The following GRIA4 variants were observed in gnomAD, a reference collection of about 807,000 sequenced individuals.
The protein encoded by GRIA4 is glutamate receptor 4.
GRIA4 carries 34 observed loss-of-function variants against 104.0 expected under a neutral mutation model. That is an observed-to-expected ratio of 0.33 (90% CI 0.25 to 0.44). The LOEUF (loss-of-function observed/expected upper bound fraction) is 0.44. GRIA4 is among the 20% of genes least tolerant of loss of function. The probability of loss-of-function intolerance (pLI) is 1.00; values close to 1 mark genes in which losing one functional copy is unlikely to be tolerated. For synonymous variants in GRIA4, 386 were observed against 381.9 expected (o/e 1.01, Z -0.13); for missense variants, 750 against 1,096.5 (o/e 0.68, Z 4.46).
chr11:105,750,107 A>C (rs949214338), intron 3 of GRIA4, among the ~76,000 whole-genome samples: 3 of 152,186 alleles, frequency 2.0e-5, no homozygotes, highest in African/African-American at 7.2e-5. Flanking sequence ...AATAGATGTC[A>C]TAAGATTCAG....
Position 105,943,622 on chromosome 11 carries a change from G to A in GRIA4, c.2294+9653G>A, listed in dbSNP as rs186363664. Among the ~76,000 whole-genome samples, 382 of 151,866 alleles carry A rather than the reference G, an allele frequency of 2.5e-3. 5 individuals are homozygous for A. In the Middle Eastern group the frequency reaches 0.071, roughly 28 times the overall value. Reference sequence around the variant, plus strand: ...TCATCACAAATAGCATTCACTTTACGCCCTGAAGCATGAAGACTTCACAGC... The same window carrying A: ...TCATCACAAATAGCATTCACTTTACACCCTGAAGCATGAAGACTTCACAGC... On this transcript the variant is annotated intron_variant, in intron 14 of 16. Coordinates refer to ENST00000282499, the MANE Select transcript of GRIA4 (RefSeq NM_000829.4).
intron 16 of GRIA4, 32 bp from the exon 17 acceptor site, chr11:105,979,543 C>T (rs1277602634): frequency 4.4e-6 from 7 of 1,602,252 alleles, no homozygotes; most frequent in African/African-American, 4.0e-5. Context: ...TAACACTCCG[C>T]GTTCTTTCTG....
In GRIA4 at chr11:105,903,818, C is replaced by T. The variant is rs1479176702; in HGVS notation, c.890C>T (p.Thr297Ile). ...TGTTCATTTTCATTTGGTTAGTACA[C>T]CTCTGCTCTGACTTATGATGGAGTC... ...YPGSETPPKY[T>I]SALTYDGVLV... is the part of the protein sequence containing the mutation. The change falls in exon 8 of 17, where the codon ACC becomes ATC. Residue 297 changes from threonine to isoleucine, a missense_variant. Transcript: ENST00000282499. The T allele has an allele frequency of 6.2e-7, 1 of 1,604,636 alleles. No individual in the cohort carries two copies. The highest frequency in any genetic ancestry group is 1.7e-5 in the Admixed American group (1 of 59,998).
Position 105,979,942 on chromosome 11 carries a change from T to A in GRIA4, c.*203T>A. On this transcript the variant is annotated 3_prime_UTR_variant, in exon 17 of 17. Coordinates refer to ENST00000282499, the MANE Select transcript of GRIA4 (RefSeq NM_000829.4). ...CGGAAACCCAAACTCAGATTTTATA[T>A]CAGGAAAACTCACAATTGAGGTTTT... 1 of 452,794 alleles carries A rather than the reference T, an allele frequency of 2.2e-6. No individual in the cohort carries two copies. The highest frequency in any genetic ancestry group is 4.0e-6 in the Non-Finnish European group (1 of 249,952). The allele number at this position is 452,794 out of a possible 1,614,324, so 28.0% of individuals were successfully genotyped here.
rs1950506559 is a variant in GRIA4, at chr11:105,612,514, T to A, written c.247+80T>A. The A allele has an allele frequency of 5.2e-6, 6 of 1,148,462 alleles. No homozygotes were observed. The East Asian group carries it at 1.4e-4, about 28-fold the overall frequency. 71.1% of individuals were successfully genotyped at this position (1,148,462 alleles called of 1,614,324 possible). ...AGTCCTCTTCCTCTTTGTTATTTAA[T>A]TTTTTTAGAAAGAATTTCAAGATTC... is the stretch of plus-strand genomic sequence containing the variant. On this transcript the variant is annotated intron_variant, in intron 3 of 16. Transcript: ENST00000282499.
At chr11:105,662,631 T>A (rs537656891) in intron 3 of GRIA4, among the ~76,000 whole-genome samples, 37 of 152,088 alleles carry the variant, frequency 2.4e-4, no homozygotes, top group African/African-American at 8.9e-4. Flanking sequence ...TTTTACTTCT[T>A]TACTCATTCT....
chr11:105,766,612 T>A (rs1940957786), intron 4 of GRIA4, among the ~76,000 whole-genome samples: 1 of 151,752 alleles, frequency 6.6e-6, no homozygotes, highest in Admixed American at 6.7e-5. Context: ...CTTACACACT[T>A]ACTAATTCAA....
rs1940824062 is a variant in GRIA4, at chr11:105,764,202, TCTCAG to T, written c.487+10987_487+10991del. Among the ~76,000 whole-genome samples, 3 of 152,152 alleles carry T rather than the reference TCTCAG, an allele frequency of 2.0e-5. No individual in the cohort carries two copies. In the South Asian group the frequency reaches 6.2e-4, roughly 31 times the overall value. On this transcript the variant is annotated intron_variant, in intron 4 of 16. Transcript: ENST00000282499. Reference sequence around the variant, plus strand: ...ACCAGGCTGGAATGCAGTGGCATGATCTCAGCTCACTGAGACCTCCACCTCCTGGG... The same window carrying T: ...ACCAGGCTGGAATGCAGTGGCATGATCTCACTGAGACCTCCACCTCCTGGG...
chr11:105,678,575 T>A (rs1443202678), intron 3 of GRIA4, among the ~76,000 whole-genome samples: 1 of 152,128 alleles, frequency 6.6e-6, no homozygotes, highest in Non-Finnish European at 1.5e-5. Context: ...TAAGCAATCC[T>A]CATTACCTGT....
rs1234348779 is a variant in GRIA4 at position 105,753,018 on chromosome 11, T to C, written c.285T>C (p.Phe95=). The part of the protein sequence containing the change: ...SQYSRGVFAI[F]GLYDKRSVHT... Reference sequence around the variant, plus strand: ...ATTCTAGAGGAGTATTTGCCATTTTTGGACTCTATGATAAGAGGTCGGTAC... The same window carrying C: ...ATTCTAGAGGAGTATTTGCCATTTTCGGACTCTATGATAAGAGGTCGGTAC... Residue 95 remains phenylalanine (F), a synonymous_variant, in exon 4 of 17, where the codon TTT becomes TTC. Coordinates refer to ENST00000282499, the MANE Select transcript of GRIA4 (RefSeq NM_000829.4). 10 of 1,613,400 alleles carry C rather than the reference T, an allele frequency of 6.2e-6. No individual in the cohort carries two copies. Among genetic ancestry groups the C allele is most frequent in the African/African-American group, 1.3e-5 (1 of 74,898 alleles).
chr11:105,979,149 T>C (rs1859145045), intron 16 of GRIA4, among the ~76,000 whole-genome samples: 1 of 152,204 alleles, frequency 6.6e-6, no homozygotes, highest in Non-Finnish European at 1.5e-5. Flanking sequence ...ATCGTTTGTT[T>C]AGGTACTTCA....
At chr11:105,668,216 AC>A (rs1392147953) in intron 3 of GRIA4, among the ~76,000 whole-genome samples, 7 of 23,916 alleles carry the variant, frequency 2.9e-4, no homozygotes, top group Non-Finnish European at 5.5e-4. Context: ...ACACACACAC[AC>A]ATATAATATA....
intron 4 of GRIA4, among the ~76,000 whole-genome samples, chr11:105,817,878 T>G (rs1943441279): frequency 6.6e-6 from 1 of 152,150 alleles, no homozygotes; most frequent in South Asian, 2.1e-4. Context: ...CCAAAGGACA[T>G]GCATCAGAAA....
intron 4 of GRIA4, among the ~76,000 whole-genome samples, chr11:105,861,395 T>G (rs1479828785): frequency 6.6e-6 from 1 of 152,184 alleles, no homozygotes; most frequent in African/African-American, 2.4e-5. Context: ...ATCAGTCTCT[T>G]ACTGATTAGG....
chr11:105,740,927 G>A (rs1402262023), intron 3 of GRIA4, among the ~76,000 whole-genome samples: 1 of 152,180 alleles, frequency 6.6e-6, no homozygotes, highest in Non-Finnish European at 1.5e-5. Flanking sequence ...CTCCAAATAT[G>A]ATGAGAAGCC....
At chr11:105,693,811 C>T (rs926265669) in intron 3 of GRIA4, among the ~76,000 whole-genome samples, 1 of 152,112 alleles carries the variant, frequency 6.6e-6, no homozygotes, top group Non-Finnish European at 1.5e-5. Flanking sequence ...CAAATCCAGC[C>T]TTTCATCTGT....
intron 3 of GRIA4, among the ~76,000 whole-genome samples, chr11:105,640,412 A>G (rs1423509045): frequency 6.6e-6 from 1 of 151,926 alleles, no homozygotes; most frequent in Non-Finnish European, 1.5e-5. Flanking sequence ...CAAAACAATT[A>G]AAATAATAAT....
intron 4 of GRIA4, among the ~76,000 whole-genome samples, chr11:105,830,023 A>G (rs1002533507): frequency 1.3e-5 from 2 of 151,970 alleles, no homozygotes; most frequent in African/African-American, 4.8e-5. Context: ...TCTGATACTG[A>G]AAGGACTGAA....
At chr11:105,941,888 T>G (rs1948187962) in intron 14 of GRIA4, among the ~76,000 whole-genome samples, 1 of 152,038 alleles carries the variant, frequency 6.6e-6, no homozygotes, top group South Asian at 2.1e-4. Flanking sequence ...CCTCTGAATA[T>G]TTCATTTTGT....
Sources: gnomAD v4.1 joint callset for allele counts (sites outside exome capture counted in the v4.1 genomes callset) on GRCh38, gnomAD v4.1.1 for gene constraint, MANE v1.5 for transcripts, NCBI Gene and HGNC (gene_info 2026-07-23, HGNC 2026-07-21) for gene names.